CFLAR: variants seen among roughly 807,000 people sequenced by gnomAD.
CFLAR encodes the protein CASP8 and FADD-like apoptosis regulator.
CFLAR carries 14 observed loss-of-function variants against 51.1 expected under a neutral mutation model. That is an observed-to-expected ratio of 0.27 (90% confidence interval 0.18 to 0.43). The LOEUF is 0.43. CFLAR is among the 20% of genes least tolerant of loss of function. The probability of loss-of-function intolerance (pLI) is 1.00; values close to 1 mark genes in which losing one functional copy is unlikely to be tolerated. For synonymous variants in CFLAR, 210 were observed against 211.6 expected (o/e 0.99, Z 0.06); for missense variants, 390 against 566.5 (o/e 0.69, Z 3.16).
Position 201,160,414 on chromosome 2 carries a change from G to T in CFLAR, c.794-18G>T, listed in dbSNP as rs754673300. On this transcript the variant is annotated intron_variant, in intron 8 of 9. Coordinates refer to ENST00000309955, the MANE Select transcript of CFLAR (RefSeq NM_003879.7). Reference sequence around the variant, plus strand: ...CACTCCAGTGTTGTTTTCCGTGTTTGTTTTTTGTTTTCCCCAGAGCTTCTT... The same window carrying T: ...CACTCCAGTGTTGTTTTCCGTGTTTTTTTTTTGTTTTCCCCAGAGCTTCTT... 5.6e-6 allele frequency: 9 copies of T among 1,605,240 alleles called. No individual in the cohort carries two copies. In the South Asian group the frequency reaches 9.9e-5, roughly 18 times the overall value.
Position 201,134,820 on chromosome 2 carries a change from CCTGT to C in CFLAR, c.388-1151_388-1148del, listed in dbSNP as rs534093744. 3.2e-3 allele frequency among the ~76,000 whole-genome samples: 489 copies of C among 152,084 alleles called. 2 individuals are homozygous for C. The highest frequency in any genetic ancestry group is 0.011 in the African/African-American group (460 of 41,530). ...CTCAAAATAGGCAGGCCAGTGCCTG[CCTGT>C]AACGATTCAGATAAGTCATTGCTTG... On this transcript the variant is annotated intron_variant, in intron 3 of 9. Coordinates refer to ENST00000309955, the MANE Select transcript of CFLAR (RefSeq NM_003879.7).
rs1205856417 is a variant in CFLAR at position 201,166,802 on chromosome 2, C to CA, written c.*2836dup. 2 of 155,994 alleles carry CA rather than the reference C, an allele frequency of 1.3e-5. No individual in the cohort carries two copies. Among genetic ancestry groups the CA allele is most frequent in the South Asian group, 1.8e-4 (1 of 5,670 alleles). The allele number at this position is 155,994 out of a possible 1,614,324, so 9.7% of individuals were successfully genotyped here. On this transcript the variant is annotated 3_prime_UTR_variant, in exon 10 of 10. Transcript: ENST00000309955. ...CAACACAGTGAAACCCTGTCTCCACCAAAAAAATACGAAAACCAGTCAGGC... is the reference window on the plus strand; with the variant it reads ...CAACACAGTGAAACCCTGTCTCCACCAAAAAAAATACGAAAACCAGTCAGGC...
At chr2:201,147,457 A>G (rs1016114517) in intron 6 of CFLAR, among the ~76,000 whole-genome samples, 1 of 152,062 alleles carries the variant, frequency 6.6e-6, no homozygotes, top group Non-Finnish European at 1.5e-5. Flanking sequence ...TGAACCTGGG[A>G]GGTGGAGGTT....
intron 8 of CFLAR, among the ~76,000 whole-genome samples, chr2:201,157,481 C>T (rs1229786781): frequency 1.3e-5 from 2 of 152,070 alleles, no homozygotes; most frequent in African/African-American, 4.8e-5. Flanking sequence ...TCAAGAGATC[C>T]TCCTGCCTCA....
intron 8 of CFLAR, among the ~76,000 whole-genome samples, chr2:201,159,963 A>G (rs920966536): frequency 6.6e-6 from 1 of 151,900 alleles, no homozygotes; most frequent in Non-Finnish European, 1.5e-5. Flanking sequence ...CATGACTGAG[A>G]AGTTGGTGCT....
chr2:201,155,483 T>C (rs1942013048), intron 8 of CFLAR, among the ~76,000 whole-genome samples: 3 of 151,978 alleles, frequency 2.0e-5, no homozygotes, highest in Admixed American at 6.5e-5. Flanking sequence ...AGGCTAGTCT[T>C]GAACTCCTGA....
Position 201,160,783 on chromosome 2 carries a change from A to C in CFLAR, c.1145A>C (p.Asn382Thr), listed in dbSNP as rs751374408. Reference protein sequence around the residue: ...LLEVDGPAMKNVEFKAQKRGL... With the variant: ...LLEVDGPAMKTVEFKAQKRGL... Reference sequence around the variant, plus strand: ...GAGGTGGATGGGCCAGCGATGAAGAATGTGGAATTCAAGGCTCAGAAGCGA... The same window carrying C: ...GAGGTGGATGGGCCAGCGATGAAGACTGTGGAATTCAAGGCTCAGAAGCGA... Residue 382 changes from asparagine to threonine, a missense_variant, in exon 9 of 10, where the codon AAT becomes ACT. By Grantham distance (65) the Asn-to-Thr change is moderately conservative. Coordinates refer to ENST00000309955, the MANE Select transcript of CFLAR (RefSeq NM_003879.7). 6.2e-7 allele frequency: 1 copy of C among 1,614,030 alleles called. No individual in the cohort carries two copies. The highest frequency in any genetic ancestry group is 1.3e-5 in the African/African-American group (1 of 74,904).
chr2:201,149,176 C>A, intron 7 of CFLAR, 124 bp downstream of exon 7: 2 of 646,410 alleles, frequency 3.1e-6, no homozygotes, highest in Non-Finnish European at 5.5e-6. Context: ...TGTTGTTCTC[C>A]TGAGAACTTC....
At chr2:201,136,620 C>T in intron 4 of CFLAR, 1 of 1,427,778 alleles carries the variant, frequency 7.0e-7, no homozygotes, top group Non-Finnish European at 9.1e-7. Context: ...TTGCATTCCT[C>T]ATTGTCTTTT....
chr2:201,171,169 G>A lies in CFLAR; in HGVS notation c.*7196G>A, dbSNP rs1943985126. Reference sequence around the variant, plus strand: ...TTAGGGGAAAGGGTGGGAGGGGGGTGAAGGATAAAAGAATACAAATTGGGT... The same window carrying A: ...TTAGGGGAAAGGGTGGGAGGGGGGTAAAGGATAAAAGAATACAAATTGGGT... On this transcript the variant is annotated 3_prime_UTR_variant, in exon 10 of 10. Coordinates refer to ENST00000309955, the MANE Select transcript of CFLAR (RefSeq NM_003879.7). 1 of 152,166 alleles carries A rather than the reference G, an allele frequency of 6.6e-6. No individual in the cohort carries two copies. The highest frequency in any genetic ancestry group is 2.4e-5 in the African/African-American group (1 of 41,420). 9.4% of individuals were successfully genotyped at this position (152,166 alleles called of 1,614,324 possible). A position where few individuals can be genotyped will look rare whatever the true frequency, so the allele number is the denominator to read the frequency against.
Position 201,164,217 on chromosome 2 carries a change from A to T in CFLAR, c.*244A>T. The T allele has an allele frequency of 7.0e-6, 2 of 286,000 alleles. No homozygotes were observed. Among genetic ancestry groups the T allele is most frequent in the Non-Finnish European group, 1.3e-5 (2 of 150,720 alleles). 17.7% of individuals were successfully genotyped at this position (286,000 alleles called of 1,614,324 possible). A position where few individuals can be genotyped will look rare whatever the true frequency, so the allele number is the denominator to read the frequency against. The stretch of plus-strand genomic sequence containing the variant: ...GAGTTCAGGGTCATAGCATGCTGTG[A>T]TTGTGCCTACGAATAGCCACTGCAT... On this transcript the variant is annotated 3_prime_UTR_variant, in exon 10 of 10. Coordinates refer to ENST00000309955, the MANE Select transcript of CFLAR (RefSeq NM_003879.7).
Position 201,138,481 on chromosome 2 carries a change from C to T in CFLAR, c.524-1876C>T. 1 of 1,094,984 alleles carries T rather than the reference C, an allele frequency of 9.1e-7. No homozygotes were observed. The highest frequency in any genetic ancestry group is 1.4e-6 in the Non-Finnish European group (1 of 716,654). 67.8% of individuals were successfully genotyped at this position (1,094,984 alleles called of 1,614,324 possible). On this transcript the variant is annotated intron_variant, in intron 4 of 9. Transcript: ENST00000309955. This position sits in a 1 kb window ranked among gnomAD's most constrained non-coding sequence, Gnocchi z 4.0. ...CAGGATCTCATTTGCCTCTTTCAAC[C>T]TCACACTGCTGGAGCCACCACTAGC...
intron 9 of CFLAR, among the ~76,000 whole-genome samples, chr2:201,162,248 G>A (rs562038107): frequency 2.6e-4 from 39 of 151,684 alleles, no homozygotes; most frequent in African/African-American, 8.0e-4. Context: ...GACTACAGGC[G>A]CACACCACTA....
In CFLAR at chr2:201,172,525, T is replaced by C. The variant is rs1944081293; in HGVS notation, c.*8552T>C. On this transcript the variant is annotated 3_prime_UTR_variant, in exon 10 of 10. Transcript: ENST00000309955. ...ATCACCACTATCTAATTCCAGAACA[T>C]TTCCATCTACCTAGAAACTCCATAC... 6.6e-6 allele frequency: 1 copy of C among 152,230 alleles called. No individual in the cohort carries two copies. Among genetic ancestry groups the C allele is most frequent in the Non-Finnish European group, 1.5e-5 (1 of 68,042 alleles). The allele number at this position is 152,230 out of a possible 1,614,324, so 9.4% of individuals were successfully genotyped here. A position where few individuals can be genotyped will look rare whatever the true frequency, so the allele number is the denominator to read the frequency against.
chr2:201,121,226 G>T (rs1294594666), intron 1 of CFLAR, among the ~76,000 whole-genome samples: 1 of 152,192 alleles, frequency 6.6e-6, no homozygotes, highest in African/African-American at 2.4e-5. Flanking sequence ...TAATTATAAG[G>T]TTGTGCTCCG....
intron 3 of CFLAR, among the ~76,000 whole-genome samples, chr2:201,134,533 G>A (rs907684024): frequency 4.0e-5 from 6 of 151,844 alleles, no homozygotes; most frequent in Admixed American, 1.3e-4. Flanking sequence ...TACTTGGGAG[G>A]CTGAGGCAGG....
Position 201,166,347 on chromosome 2 carries a change from G to T in CFLAR, c.*2374G>T. On this transcript the variant is annotated 3_prime_UTR_variant, in exon 10 of 10. Transcript: ENST00000309955. ...GACGGGGTGGCTGCTGGGCGGAGAC[G>T]CTCCTCACTTCCCAGACAGGGTGGC... 1 of 166,220 alleles carries T rather than the reference G, an allele frequency of 6.0e-6. No individual in the cohort carries two copies. The highest frequency in any genetic ancestry group is 6.4e-5 in the Admixed American group (1 of 15,528). 10.3% of individuals were successfully genotyped at this position (166,220 alleles called of 1,614,324 possible).
At chr2:201,123,659 A>G (rs77447471) in intron 1 of CFLAR, among the ~76,000 whole-genome samples, 3,460 of 152,338 alleles carry the variant, frequency 0.023, 144 homozygotes, top group African/African-American at 0.08. Flanking sequence ...TGGAGGGGAC[A>G]CATTCAAACC....
At chr2:201,157,821 G>A (rs1942427038) in intron 8 of CFLAR, 1 of 152,262 alleles carries the variant, frequency 6.6e-6, no homozygotes, top group Admixed American at 6.5e-5. Flanking sequence ...AGTTGCAAGT[G>A]CCAGCTAACA....
Sources: gnomAD v4.1 joint callset for allele counts (sites outside exome capture counted in the v4.1 genomes callset) on GRCh38, gnomAD v4.1.1 for gene constraint, Gnocchi (gnomAD v3.1) non-coding constraint, MANE v1.5 for transcripts, NCBI Gene and HGNC (gene_info 2026-07-23, HGNC 2026-07-21) for gene names.